The following VWA8 variants were observed in gnomAD, a reference collection of about 807,000 sequenced individuals.
The protein encoded by VWA8 is von Willebrand factor A domain containing 8, also known as von Willebrand factor A domain-containing protein 8.
A neutral mutation model predicts 241.5 loss-of-function variants in VWA8; 221 were observed. The ratio of observed to expected loss-of-function variants is 0.91; its 90% CI spans 0.82 to 1.02. The LOEUF (loss-of-function observed/expected upper bound fraction) is 1.02. Among genes scored for constraint, VWA8 ranks in the 50% least tolerant of loss-of-function variants. VWA8 has a pLI of 0.00. For missense variants in VWA8, 2,322 were observed against 2,328.7 expected, an observed-to-expected ratio of 1.00 and a Z score of 0.06; for synonymous variants, 852 against 827.1, an observed-to-expected ratio of 1.03 and a Z score of -0.52.
chr13:41,799,786 T>C (rs1333795599), intron 17 of VWA8, among the ~76,000 whole-genome samples: 1 of 152,172 alleles, frequency 6.6e-6, no homozygotes, highest in Non-Finnish European at 1.5e-5. Context: ...TGAGATATAA[T>C]TCAGATATCA....
intron 8 of VWA8, among the ~76,000 whole-genome samples, chr13:41,884,816 G>A (rs979616726): frequency 6.6e-6 from 1 of 152,072 alleles, no homozygotes; most frequent in Non-Finnish European, 1.5e-5. Flanking sequence ...TAAACAGGAG[G>A]AGAAATTCTG....
At chr13:41,873,515 C>G (rs1873744851) in intron 9 of VWA8, among the ~76,000 whole-genome samples, 1 of 152,000 alleles carries the variant, frequency 6.6e-6, no homozygotes, top group African/African-American at 2.4e-5. Flanking sequence ...ACCACCAATC[C>G]CACAGAAATA....
chr13:41,703,940 G>A (rs1248325026), intron 26 of VWA8, among the ~76,000 whole-genome samples: 2 of 151,878 alleles, frequency 1.3e-5, no homozygotes, highest in African/African-American at 4.8e-5. Flanking sequence ...CACCACACCC[G>A]GCTAATTTTG....
intron 12 of VWA8, among the ~76,000 whole-genome samples, chr13:41,864,162 A>G (rs1207279756): frequency 6.6e-6 from 1 of 151,954 alleles, no homozygotes; most frequent in South Asian, 2.1e-4. Context: ...AAAAAAAAGA[A>G]AGAAAAGTGT....
At chr13:41,863,455 TCACACA>T (rs150069827) in intron 12 of VWA8, among the ~76,000 whole-genome samples, 6 of 87,154 alleles carry the variant, frequency 6.9e-5, no homozygotes, top group Non-Finnish European at 2.4e-5. Flanking sequence ...ATATATATAT[TCACACA>T]CACACACACA....
At chr13:41,572,968 G>A (rs1195996779) in intron 43 of VWA8, among the ~76,000 whole-genome samples, 1 of 151,260 alleles carries the variant, frequency 6.6e-6, no homozygotes, top group African/African-American at 2.4e-5. Context: ...AATTAGCTGG[G>A]TATGGTGACA....
chr13:41,870,230 C>T (rs1291215181), intron 9 of VWA8, among the ~76,000 whole-genome samples: 1 of 150,836 alleles, frequency 6.6e-6, no homozygotes, highest in African/African-American at 2.4e-5. Flanking sequence ...ATGTTGTAGA[C>T]AAATAACAAC....
intron 12 of VWA8, among the ~76,000 whole-genome samples, chr13:41,841,764 G>A (rs1285657120): frequency 3.7e-5 from 4 of 107,922 alleles, no homozygotes; most frequent in East Asian, 3.1e-4. Flanking sequence ...CACCCTGGGC[G>A]ACAGAGCGAG....
chr13:41,884,340 C>T (rs529593524), intron 8 of VWA8, among the ~76,000 whole-genome samples: 207 of 151,368 alleles, frequency 1.4e-3, no homozygotes, highest in Non-Finnish European at 2.2e-3. Flanking sequence ...CTTTTCCCCT[C>T]CTTCACTCTG....
At chr13:41,701,570 G>C (rs1327060921) in intron 27 of VWA8, 40 bp from the exon 28 acceptor site, 1 of 1,485,698 alleles carries the variant, frequency 6.7e-7, no homozygotes, top group Admixed American at 2.5e-5. Context: ...TATTTTGGTT[G>C]TCACCAAAAT....
chr13:41,633,125 T>C (rs1326011517), intron 37 of VWA8, among the ~76,000 whole-genome samples: 1 of 152,246 alleles, frequency 6.6e-6, no homozygotes, highest in Non-Finnish European at 1.5e-5. Flanking sequence ...TACTCTTTTA[T>C]GATAGTACAT....
At chr13:41,624,606 C>T (rs1490354533) in intron 37 of VWA8, among the ~76,000 whole-genome samples, 1 of 152,064 alleles carries the variant, frequency 6.6e-6, no homozygotes, top group Non-Finnish European at 1.5e-5. Context: ...CAGGAAAGGC[C>T]TTCAATAAAA....
At chr13:41,649,364 A>C (rs966842595) in intron 37 of VWA8, among the ~76,000 whole-genome samples, 1 of 152,224 alleles carries the variant, frequency 6.6e-6, no homozygotes, top group Non-Finnish European at 1.5e-5. Flanking sequence ...TCCTAGTTTT[A>C]ATAATTGTAA....
At chr13:41,658,282 G>A (rs1024881553) in intron 37 of VWA8, among the ~76,000 whole-genome samples, 1 of 152,076 alleles carries the variant, frequency 6.6e-6, no homozygotes, top group African/African-American at 2.4e-5. Context: ...AAAATGGTGA[G>A]ATTCCAGTCT....
intron 12 of VWA8, among the ~76,000 whole-genome samples, chr13:41,852,623 T>A (rs1872571421): frequency 6.6e-6 from 1 of 152,174 alleles, no homozygotes. Context: ...CCATTCTTAG[T>A]TGATTTTTGT....
intron 14 of VWA8, among the ~76,000 whole-genome samples, chr13:41,827,219 A>T (rs1250908245): frequency 1.3e-5 from 2 of 152,262 alleles, no homozygotes; most frequent in Non-Finnish European, 2.9e-5. Flanking sequence ...CTCTTAGGTT[A>T]TCATAATAAT....
At chr13:41,726,423 A>G (rs897270668) in intron 24 of VWA8, among the ~76,000 whole-genome samples, 14 of 152,310 alleles carry the variant, frequency 9.2e-5, no homozygotes, top group Admixed American at 5.9e-4. Context: ...TATACTTGCT[A>G]TAGAGAAGAG....
intron 12 of VWA8, among the ~76,000 whole-genome samples, chr13:41,844,841 A>T (rs1286957682): frequency 1.3e-5 from 2 of 152,168 alleles, no homozygotes; most frequent in African/African-American, 2.4e-5. Flanking sequence ...CATGTAAAAA[A>T]GGAGGTGAAA....
At chr13:41,947,862 G>T (rs147380262) in intron 2 of VWA8, among the ~76,000 whole-genome samples, 2 of 149,890 alleles carry the variant, frequency 1.3e-5, no homozygotes, top group African/African-American at 2.5e-5. Flanking sequence ...AACCTGGGAG[G>T]GGGAGGTTGC....
Sources: allele counts gnomAD v4.1 joint callset (sites outside exome capture counted in the v4.1 genomes callset), GRCh38; gene constraint gnomAD v4.1.1; transcripts MANE v1.5; gene names NCBI Gene and HGNC (gene_info 2026-07-23, HGNC 2026-07-21).